Variants in CPT1A observed in about 807,000 individuals in gnomAD.
CPT1A encodes the protein carnitine O-palmitoyltransferase 1, liver isoform.
A neutral mutation model predicts 100.8 loss-of-function variants in CPT1A; 64 were observed. The ratio of observed to expected loss-of-function variants is 0.63; its 90% CI spans 0.52 to 0.78. The LOEUF (loss-of-function observed/expected upper bound fraction) is 0.78. CPT1A is among the 30% of genes least tolerant of loss of function. The pLI is 0.00. For synonymous variants in CPT1A, 363 were observed against 396.0 expected (o/e 0.92, Z 0.99); for missense variants, 802 against 1,034.1 (o/e 0.78, Z 3.08).
upstream of CPT1A, among the ~76,000 whole-genome samples, chr11:68,843,081 CAGA>C (rs1467636995): frequency 2.6e-5 from 4 of 152,226 alleles, no homozygotes; most frequent in Non-Finnish European, 5.9e-5. This position sits in a 1 kb window ranked among gnomAD's most constrained non-coding sequence, Gnocchi z 4.0. Flanking sequence ...GTTGTTACCG[CAGA>C]AGAATTTAGA....
intron 3 of CPT1A, 41 bp downstream of exon 3, chr11:68,812,396 G>T: frequency 6.2e-7 from 1 of 1,613,046 alleles, no homozygotes; most frequent in Non-Finnish European, 8.5e-7. Flanking sequence ...AATAAAATCG[G>T]TAACTTCCCA....
chr11:68,798,105 A>C (rs1428414016), intron 6 of CPT1A, among the ~76,000 whole-genome samples: 9 of 152,232 alleles, frequency 5.9e-5, no homozygotes, highest in Non-Finnish European at 1.5e-5. Context: ...GGTGTTCCGC[A>C]GGTGTTGTCT....
At chr11:68,798,637 G>A (rs58212536) in intron 6 of CPT1A, among the ~76,000 whole-genome samples, 3,710 of 152,138 alleles carry the variant, frequency 0.024, 155 homozygotes, top group African/African-American at 0.085. Flanking sequence ...AGGGAGGGGC[G>A]ATCAGCACCG....
intron 3 of CPT1A, among the ~76,000 whole-genome samples, chr11:68,810,756 G>A (rs1353628941): frequency 1.3e-5 from 2 of 152,048 alleles, no homozygotes; most frequent in African/African-American, 2.4e-5. Flanking sequence ...AGGCCGAGGC[G>A]AGTGGACCAC....
intron 12 of CPT1A, among the ~76,000 whole-genome samples, 168 bp downstream of exon 12, chr11:68,780,472 C>T (rs1009169634): frequency 3.9e-5 from 6 of 151,962 alleles, no homozygotes; most frequent in Non-Finnish European, 7.4e-5. Context: ...TTAGTAGAGA[C>T]GGGGTTTCAC....
intron 14 of CPT1A, among the ~76,000 whole-genome samples, chr11:68,768,323 C>A (rs1594322560): frequency 6.6e-6 from 1 of 151,510 alleles, no homozygotes; most frequent in Non-Finnish European, 1.5e-5. Context: ...GATCCGCCCA[C>A]CTCAGCCTCC....
chr11:68,792,705 C>G (rs549535858), intron 9 of CPT1A, among the ~76,000 whole-genome samples: 1 of 152,358 alleles, frequency 6.6e-6, no homozygotes, highest in South Asian at 2.1e-4. Flanking sequence ...CGTTCCATCA[C>G]AAACGCTGAC....
At chr11:68,817,181 T>C (rs900806938) in intron 1 of CPT1A, among the ~76,000 whole-genome samples, 2 of 147,702 alleles carry the variant, frequency 1.4e-5, no homozygotes, top group Admixed American at 6.8e-5. Context: ...TGTGTGTGTG[T>C]GGGTGTGTGT....
intron 1 of CPT1A, among the ~76,000 whole-genome samples, chr11:68,833,239 G>C (rs1292917525): frequency 6.6e-6 from 1 of 152,224 alleles, no homozygotes; most frequent in African/African-American, 2.4e-5. Context: ...CCTAGAACTA[G>C]CACACATGTG....
intron 14 of CPT1A, among the ~76,000 whole-genome samples, chr11:68,771,445 C>T (rs1854986785): frequency 6.6e-6 from 1 of 152,162 alleles, no homozygotes; most frequent in African/African-American, 2.4e-5. Context: ...GCAAAATCTG[C>T]TCATCAATTC....
intron 4 of CPT1A, among the ~76,000 whole-genome samples, chr11:68,806,633 G>GAA (rs775579381): frequency 1.4e-4 from 13 of 92,432 alleles, no homozygotes; most frequent in Admixed American, 2.4e-4. Context: ...GTCTCAAAAA[G>GAA]AAAAAAAAAA....
At chr11:68,789,172 C>A (rs1183650722) in intron 9 of CPT1A, among the ~76,000 whole-genome samples, 1 of 152,078 alleles carries the variant, frequency 6.6e-6, no homozygotes, top group Non-Finnish European at 1.5e-5. Context: ...GTAGTAATTC[C>A]ATTTTATAGC....
At chr11:68,842,777 C>T (rs1325329442), upstream of CPT1A, among the ~76,000 whole-genome samples, 1 of 151,772 alleles carries the variant, frequency 6.6e-6, no homozygotes. Flanking sequence ...CTAGGGCGAG[C>T]GCAGCTGCAG....
chr11:68,773,102 G>T (rs748715018), intron 14 of CPT1A, among the ~76,000 whole-genome samples, 163 bp downstream of exon 14: 1 of 152,210 alleles, frequency 6.6e-6, no homozygotes, highest in Non-Finnish European at 1.5e-5. Context: ...CGTGCGTGGT[G>T]AAACACCCAA....
chr11:68,829,245 C>CTTT (rs1373191686), intron 1 of CPT1A, among the ~76,000 whole-genome samples: 1 of 152,180 alleles, frequency 6.6e-6, no homozygotes, highest in Non-Finnish European at 1.5e-5. Context: ...CCCAGCCTTC[C>CTTT]TTTCTCCAAG....
At chr11:68,815,136 C>T (rs186699020) in intron 2 of CPT1A, among the ~76,000 whole-genome samples, 198 bp downstream of exon 2, 49 of 152,292 alleles carry the variant, frequency 3.2e-4, no homozygotes, top group Admixed American at 1.4e-3. Context: ...CAAGTCCCTC[C>T]ACCTGCCTAA....
intron 3 of CPT1A, among the ~76,000 whole-genome samples, chr11:68,808,566 C>T (rs1475444749): frequency 1.3e-5 from 2 of 151,438 alleles, no homozygotes; most frequent in Non-Finnish European, 2.9e-5. Flanking sequence ...GAGATGGGGT[C>T]TTGCCATGTT....
intron 16 of CPT1A, 95 bp downstream of exon 16, chr11:68,761,440 A>C: frequency 7.0e-7 from 1 of 1,431,206 alleles, no homozygotes; most frequent in Non-Finnish European, 9.8e-7. Context: ...TCAAATGCCC[A>C]TTCTGACATT....
chr11:68,766,780 G>A (rs1336493875), intron 14 of CPT1A, among the ~76,000 whole-genome samples: 1 of 148,968 alleles, frequency 6.7e-6, no homozygotes, highest in African/African-American at 2.5e-5. Context: ...CAACTACCAC[G>A]CCCGGCACTC....
Sources: gnomAD v4.1 joint callset for allele counts (sites outside exome capture counted in the v4.1 genomes callset) on GRCh38, gnomAD v4.1.1 for gene constraint, Gnocchi (gnomAD v3.1) non-coding constraint, MANE v1.5 for transcripts, NCBI Gene and HGNC (gene_info 2026-07-23, HGNC 2026-07-21) for gene names.